The following MYL6B variants were observed in gnomAD, a reference collection of about 807,000 sequenced individuals.
The protein encoded by MYL6B is myosin light chain 6B.
Under a neutral mutation model 24.5 loss-of-function variants are expected in MYL6B, and 19 were observed. That is an observed-to-expected ratio of 0.78 (90% CI 0.54 to 1.14). The LOEUF is 1.14. Among genes scored for constraint, MYL6B ranks in the 50% most tolerant of loss-of-function variants. The pLI, the probability that MYL6B is intolerant of heterozygous loss-of-function variation, is 0.00. For synonymous variants in MYL6B, 90 were observed against 100.7 expected, an observed-to-expected ratio of 0.89 and a Z score of 0.64; for missense variants, 230 against 263.8, an observed-to-expected ratio of 0.87 and a Z score of 0.89.
At position 56,155,524 on chromosome 12, in the gene MYL6B, G is replaced by A. The variant is rs778320072; in HGVS notation, c.452G>A (p.Arg151His). Reference sequence around the variant, plus strand: ...TATGAGGACTACTTGGAGGGGTTTCGTGTGTTTGACAAGGAGGGGAACGGC... The same window carrying A: ...TATGAGGACTACTTGGAGGGGTTTCATGTGTTTGACAAGGAGGGGAACGGC... The change falls in exon 5 of 7, where the codon CGT becomes CAT. Residue 151 changes from arginine to histidine, a missense_variant. By Grantham distance (29) the Arg-to-His change is conservative (BLOSUM62 0). Coordinates refer to ENST00000553066, the Ensembl canonical transcript of MYL6B. 51 of 1,613,842 alleles carry A rather than the reference G, an allele frequency of 3.2e-5. 2 individuals carry two copies. Among genetic ancestry groups the A allele is most frequent in the South Asian group, 2.0e-4 (18 of 91,072 alleles).
At chr12:56,154,075 G>A (rs769972513) in exon 2 of MYL6B, 10 of 1,613,248 alleles carry the variant, frequency 6.2e-6, no homozygotes, top group Admixed American at 5.0e-5. Flanking sequence ...GCCTCCAGTC[G>A]ATCTCTCCAA....
At chr12:56,155,352 T>C in intron 4 of MYL6B, 67 bp from the exon 5 acceptor site, 1 of 1,606,750 alleles carries the variant, frequency 6.2e-7, no homozygotes, top group East Asian at 2.2e-5. Context: ...AGCATTGTGG[T>C]AGGGTTGGGA....
chr12:56,156,071 C>A, intron 5 of MYL6B: 1 of 1,061,080 alleles, frequency 9.4e-7, no homozygotes, highest in South Asian at 2.5e-5. Flanking sequence ...TTTGGGAGAC[C>A]AAGGCGGGCG....
rs1038319146 is a variant in MYL6B at position 56,157,951 on chromosome 12, G to A, written c.*225G>A. Reference sequence around the variant, plus strand: ...TCCAGCCACCAGGAGGCCACCTATTGTTTCAAAATAAAGACTGGGTTCCTC... The same window carrying A: ...TCCAGCCACCAGGAGGCCACCTATTATTTCAAAATAAAGACTGGGTTCCTC... On this transcript the variant is annotated 3_prime_UTR_variant, in exon 7 of 7. Transcript: ENST00000553066. 11 of 597,608 alleles carry A rather than the reference G, an allele frequency of 1.8e-5. No homozygotes were observed. The African/African-American group carries it at 1.9e-4, about 10-fold the overall frequency. The allele number at this position is 597,608 out of a possible 1,614,324, so 37.0% of individuals were successfully genotyped here. A position where few individuals can be genotyped will look rare whatever the true frequency, so the allele number is the denominator to read the frequency against.
At chr12:56,155,712 A>G in intron 5 of MYL6B, 120 bp downstream of exon 5, 1 of 1,560,228 alleles carries the variant, frequency 6.4e-7, no homozygotes, top group Non-Finnish European at 8.6e-7. Flanking sequence ...GGTTGTCGGC[A>G]GGAGACTGAG....
chr12:56,152,693 TGTGTGTGTGTGTGTGTGTC>T (rs1478529588), intron 1 of MYL6B, 62 bp downstream of exon 1: 1 of 151,264 alleles, frequency 6.6e-6, no homozygotes, highest in Non-Finnish European at 1.5e-5. Flanking sequence ...TGCGTGAGTG[TGTGTGTGTGTGTGTGTGTC>T]GTGTGTGTGT....
exon 7 of MYL6B, chr12:56,157,909 C>T (rs898473558): frequency 3.0e-6 from 2 of 661,986 alleles, no homozygotes; most frequent in African/African-American, 1.8e-5. Flanking sequence ...CACTGGGCCC[C>T]GCAGGCGAAA....
rs1325333907 is a variant in MYL6B, at chr12:56,157,982, G to A, written c.*256G>A. ...AAATAAAGACTGGGTTCCTCTCTTGGTTTCAGACTGCTATTTTTTTCATGG... is the reference window on the plus strand; with the variant it reads ...AAATAAAGACTGGGTTCCTCTCTTGATTTCAGACTGCTATTTTTTTCATGG... On this transcript the variant is annotated 3_prime_UTR_variant, in exon 7 of 7. Transcript: ENST00000553066. 9 of 583,760 alleles carry A rather than the reference G, an allele frequency of 1.5e-5. No homozygotes were observed. In the East Asian group the frequency reaches 2.3e-4, roughly 15 times the overall value. 36.2% of individuals were successfully genotyped at this position (583,760 alleles called of 1,614,324 possible). A position where few individuals can be genotyped will look rare whatever the true frequency, so the allele number is the denominator to read the frequency against.
chr12:56,153,661 C>A, intron 1 of MYL6B: 1 of 370,078 alleles, frequency 2.7e-6, no homozygotes, highest in East Asian at 5.2e-5. Flanking sequence ...TCCCCTACCC[C>A]TAAAGGAAAC....
At chr12:56,156,448 C>T (rs964108184) in intron 5 of MYL6B, among the ~76,000 whole-genome samples, 1 of 147,826 alleles carries the variant, frequency 6.8e-6, no homozygotes, top group Non-Finnish European at 1.5e-5. Context: ...CTACTAAAAA[C>T]ACAAAAATTA....
At chr12:56,155,386 A>G (rs1053491007) in intron 4 of MYL6B, 33 bp from the exon 5 acceptor site, 10 of 1,613,974 alleles carry the variant, frequency 6.2e-6, no homozygotes, top group Non-Finnish European at 7.6e-6. Context: ...TAATACTACA[A>G]TGACCTCTCC....
chr12:56,154,888 G>A (rs1871247912), intron 3 of MYL6B, 48 bp downstream of exon 3: 1 of 1,595,266 alleles, frequency 6.3e-7, no homozygotes, highest in Admixed American at 1.8e-5. Context: ...CAATCCCCTG[G>A]TCAGATTCTC....
At chr12:56,157,191 T>G in intron 5 of MYL6B, 1 of 402,028 alleles carries the variant, frequency 2.5e-6, no homozygotes, top group African/African-American at 2.0e-5. Flanking sequence ...GGTCAAGAGT[T>G]TGAGAGCAGC....
chr12:56,155,540 G>A (rs569963109), exon 5 of MYL6B: 2 of 1,613,982 alleles, frequency 1.2e-6, no homozygotes, highest in African/African-American at 2.7e-5. Flanking sequence ...TTGACAAGGA[G>A]GGGAACGGCA....
At chr12:56,157,814 G>GAA in exon 7 of MYL6B, 3 of 1,515,450 alleles carry the variant, frequency 2.0e-6, no homozygotes, top group Non-Finnish European at 2.7e-6. Context: ...GAAAAGCAGC[G>GAA]GAGTTCATTC....
chr12:56,155,224 G>A (rs375186659), intron 4 of MYL6B, 26 bp downstream of exon 4: 4 of 1,571,238 alleles, frequency 2.5e-6, no homozygotes, highest in Admixed American at 3.9e-5. Context: ...GGAACAATTT[G>A]GGTTTTTAGT....
chr12:56,154,691 T>C, intron 2 of MYL6B, 122 bp from the exon 3 acceptor site: 1 of 1,101,120 alleles, frequency 9.1e-7, no homozygotes, highest in Non-Finnish European at 1.3e-6. Flanking sequence ...CTGAGGTGGC[T>C]GGGCTTCCAG....
chr12:56,155,100 A>G (rs1215747168), exon 4 of MYL6B: 4 of 1,613,954 alleles, frequency 2.5e-6, no homozygotes, highest in Non-Finnish European at 3.4e-6. Context: ...GGGGATGGCA[A>G]GATCCTGTAC....
chr12:56,153,828 T>A (rs1871201003), intron 1 of MYL6B, 45 bp from the exon 2 acceptor site: 14 of 1,324,970 alleles, frequency 1.1e-5, no homozygotes, highest in South Asian at 2.9e-5. Flanking sequence ...TCCCTGCCCC[T>A]GCCCCCGCCC....
Sources: allele counts gnomAD v4.1 joint callset (sites outside exome capture counted in the v4.1 genomes callset), GRCh38; gene constraint gnomAD v4.1.1; transcripts MANE v1.5; gene names NCBI Gene and HGNC (gene_info 2026-07-23, HGNC 2026-07-21).